HMGN5: variants seen among roughly 807,000 people sequenced by gnomAD.
HMGN5 encodes the protein high mobility group nucleosome binding domain 5, also known as high mobility group nucleosome-binding domain-containing protein 5.
Under a neutral mutation model 9.5 loss-of-function variants are expected in HMGN5, and 4 were observed. That is an observed-to-expected ratio of 0.42 (90% CI 0.21 to 0.96). The LOEUF (loss-of-function observed/expected upper bound fraction) is 0.96, where lower values mean the gene tolerates loss of function less well. Among genes scored for constraint, HMGN5 ranks in the 40% least tolerant of loss-of-function variants. The pLI is 0.30. For missense variants in HMGN5, 192 were observed against 187.5 expected (o/e 1.02, Z -0.14); for synonymous variants, 55 against 57.1 (o/e 0.96, Z 0.16).
chrX:81,165,961 C>A, intron 1 of HMGN5, among the ~76,000 whole-genome samples: 1 of 111,085 alleles, frequency 9.0e-6, no homozygotes, highest in East Asian at 2.8e-4. Context: ...AGGATCAGAA[C>A]AGGAGTTTTC....
intron 1 of HMGN5, among the ~76,000 whole-genome samples, chrX:81,164,154 C>G (rs1337140980): frequency 9.0e-6 from 1 of 111,445 alleles, no homozygotes; most frequent in East Asian, 2.8e-4. Context: ...ATCCCAGTCC[C>G]CTCAAATAAC....
In HMGN5 at chrX:81,184,181, A is replaced by G. The variant is rs752390279; in HGVS notation, c.-124+17556T>C. ...GGGCCTGATGGGAGATGACTGGATT[A>G]TGGGGGCAGTTTCTCATGGTTTAAT... On this transcript the variant is annotated intron_variant, in intron 1 of 6. Transcript: ENST00000358130. Among the ~76,000 whole-genome samples the G allele has an allele frequency of 1.1e-4, 12 of 111,757 alleles. No individual in the cohort carries two copies. The Admixed American group carries it at 1.1e-3, about 11-fold the overall frequency.
At chrX:81,151,541 T>C (rs2075362534) in intron 1 of HMGN5, among the ~76,000 whole-genome samples, 1 of 110,258 alleles carries the variant, frequency 9.1e-6, no homozygotes, top group South Asian at 3.8e-4. Context: ...CCTTGGGCAG[T>C]ATGGCCATTT....
chrX:81,186,255 C>G (rs982503763), intron 1 of HMGN5, among the ~76,000 whole-genome samples: 1 of 111,638 alleles, frequency 9.0e-6, no homozygotes, highest in Non-Finnish European at 1.9e-5. Flanking sequence ...CTTTTCTTTA[C>G]TAAAAATCTT....
At chrX:81,141,817 C>T (rs896627879) in intron 1 of HMGN5, among the ~76,000 whole-genome samples, 5 of 111,731 alleles carry the variant, frequency 4.5e-5, no homozygotes, top group African/African-American at 6.5e-5. Context: ...TTAGCATCAA[C>T]AGCACCCAGG....
intron 1 of HMGN5, among the ~76,000 whole-genome samples, chrX:81,125,509 C>T (rs1419061967): frequency 9.0e-6 from 1 of 111,233 alleles, no homozygotes; most frequent in Non-Finnish European, 1.9e-5. Context: ...TCTGGTGACC[C>T]AAATCTTCCT....
At position 81,168,115 on chromosome X, in the gene HMGN5, A is replaced by G. The variant is rs745373479; in HGVS notation, c.-124+33622T>C. 4.5e-5 allele frequency among the ~76,000 whole-genome samples: 5 copies of G among 112,229 alleles called. No individual in the cohort carries two copies. The South Asian group carries it at 1.9e-3, about 42-fold the overall frequency. ...TCATGCCCCAAATTAAAGGGCTCTA[A>G]TCACAGTTGCCTAGATTTTATGGAA... On this transcript the variant is annotated intron_variant, in intron 1 of 6. Coordinates refer to ENST00000358130, the MANE Select transcript of HMGN5 (RefSeq NM_030763.3).
At chrX:81,116,503 T>C (rs1040144163) in intron 5 of HMGN5, among the ~76,000 whole-genome samples, 162 bp from the exon 6 acceptor site, 5 of 112,591 alleles carry the variant, frequency 4.4e-5, no homozygotes. Context: ...AATATCTTCA[T>C]TGTAAATTTC....
chrX:81,173,222 A>T (rs1413234815), intron 1 of HMGN5, among the ~76,000 whole-genome samples: 1 of 111,302 alleles, frequency 9.0e-6, no homozygotes, highest in Non-Finnish European at 1.9e-5. Context: ...CTCTTTATTT[A>T]TACTGATATG....
At chrX:81,150,907 A>G (rs999128521) in intron 1 of HMGN5, among the ~76,000 whole-genome samples, 13 of 112,017 alleles carry the variant, frequency 1.2e-4, no homozygotes, top group Non-Finnish European at 1.9e-5. Context: ...TACAACCTAC[A>G]AAAATTGAAC....
intron 1 of HMGN5, among the ~76,000 whole-genome samples, chrX:81,160,493 C>T (rs1459730148): frequency 2.7e-5 from 3 of 110,854 alleles, no homozygotes; most frequent in Non-Finnish European, 5.7e-5. Flanking sequence ...CATTGATTAC[C>T]TATTTTTCCT....
At chrX:81,145,415 G>A (rs756723205) in intron 1 of HMGN5, among the ~76,000 whole-genome samples, 84 of 111,729 alleles carry the variant, frequency 7.5e-4, no homozygotes, top group African/African-American at 2.4e-3. Context: ...AGCTTCATAA[G>A]TGAAAGAGAA....
intron 5 of HMGN5, 43 bp from the exon 6 acceptor site, chrX:81,116,384 AC>A (rs768578051): frequency 9.5e-6 from 9 of 947,536 alleles, no homozygotes. Flanking sequence ...ATACAATTTA[AC>A]TGCTGTGTTG....
intron 1 of HMGN5, among the ~76,000 whole-genome samples, chrX:81,178,438 G>T (rs975561694): frequency 5.4e-5 from 6 of 111,722 alleles, no homozygotes; most frequent in Non-Finnish European, 1.1e-4. Context: ...ACATCTCTAC[G>T]CAAATAAACT....
At chrX:81,174,786 G>A (rs1452428826) in intron 1 of HMGN5, among the ~76,000 whole-genome samples, 1 of 111,575 alleles carries the variant, frequency 9.0e-6, no homozygotes, top group Non-Finnish European at 1.9e-5. Context: ...GTATTTTAAA[G>A]TCTTGTAGTG....
chrX:81,174,151 A>G (rs1176804353), intron 1 of HMGN5, among the ~76,000 whole-genome samples: 1 of 111,542 alleles, frequency 9.0e-6, no homozygotes, highest in Non-Finnish European at 1.9e-5. Flanking sequence ...TGTTTATTAC[A>G]CTTATGTGTT....
chrX:81,122,108 C>A (rs776440970), intron 1 of HMGN5, among the ~76,000 whole-genome samples: 6 of 112,132 alleles, frequency 5.4e-5, no homozygotes, highest in Admixed American at 9.4e-5. Context: ...CCACCTTTGG[C>A]GGGATGGTGT....
chrX:81,191,169 T>C (rs2075493153), intron 1 of HMGN5, among the ~76,000 whole-genome samples: 1 of 112,267 alleles, frequency 8.9e-6, no homozygotes, highest in Non-Finnish European at 1.9e-5. Context: ...TTTAAAATAG[T>C]TTATTAGATT....
intron 1 of HMGN5, among the ~76,000 whole-genome samples, chrX:81,141,071 T>C (rs1222860144): frequency 8.9e-6 from 1 of 111,865 alleles, no homozygotes; most frequent in East Asian, 2.8e-4. Flanking sequence ...GAGAGGCTCC[T>C]CTGCCTTTGA....
Sources: allele counts gnomAD v4.1 joint callset (sites outside exome capture counted in the v4.1 genomes callset), GRCh38; gene constraint gnomAD v4.1.1; transcripts MANE v1.5; gene names NCBI Gene and HGNC (gene_info 2026-07-23, HGNC 2026-07-21).